The following SGMS2 variants were observed in gnomAD, a reference collection of about 807,000 sequenced individuals.
SGMS2 encodes the protein phosphatidylcholine:ceramide cholinephosphotransferase 2.
Under a neutral mutation model 43.8 loss-of-function variants are expected in SGMS2, and 21 were observed. The ratio of observed to expected loss-of-function variants is 0.48; its 90% CI spans 0.34 to 0.69. SGMS2 has a LOEUF of 0.69. SGMS2 is among the 30% of genes least tolerant of loss of function. SGMS2 has a pLI of 0.01. For synonymous variants in SGMS2, 167 were observed against 160.6 expected (o/e 1.04, Z -0.30); for missense variants, 384 against 443.2 (o/e 0.87, Z 1.20).
intron 1 of SGMS2, among the ~76,000 whole-genome samples, chr4:107,846,826 C>CT (rs1296727730): frequency 2.0e-5 from 3 of 148,404 alleles, no homozygotes; most frequent in Admixed American, 1.3e-4. Context: ...GAGATGGTAT[C>CT]TCATTGTGGT....
chr4:107,867,464 C>CTA (rs1225640402), intron 2 of SGMS2: 1 of 152,158 alleles, frequency 6.6e-6, no homozygotes, highest in African/African-American at 2.4e-5. Context: ...CAGGGCTGTG[C>CTA]TATCCCATTT....
chr4:107,871,078 T>G (rs188974919), intron 2 of SGMS2, among the ~76,000 whole-genome samples: 1 of 152,138 alleles, frequency 6.6e-6, no homozygotes, highest in Admixed American at 6.6e-5. Flanking sequence ...ATTTCACCCT[T>G]TAGAAAACAG....
In SGMS2 at chr4:107,910,426, A is replaced by G. The variant is rs1037419685; in HGVS notation, c.971A>G (p.Asn324Ser). 4.3e-6 allele frequency: 7 copies of G among 1,614,030 alleles called. No homozygotes were observed. The Admixed American group carries it at 6.7e-5, about 15-fold the overall frequency. Reference protein sequence around the residue: ...WFPIFYFFEKNVQGSIPCCFS... With the variant: ...WFPIFYFFEKSVQGSIPCCFS... ...CCCATCTTTTATTTTTTTGAGAAAA[A>G]TGTACAAGGCTCAATTCCTTGCTGC... The change falls in exon 7 of 7, where the codon AAT becomes AGT. Residue 324 changes from asparagine (N) to serine (S), a missense_variant. By Grantham distance (46) the Asn-to-Ser change is conservative (BLOSUM62 1). Transcript: ENST00000690982.
rs1036430898 is a variant in SGMS2 at position 107,910,803 on chromosome 4, A to C, written c.*250A>C. The C allele has an allele frequency of 9.8e-6, 4 of 408,102 alleles. No homozygotes were observed. The Admixed American group carries it at 1.2e-4, about 12-fold the overall frequency. The allele number at this position is 408,102 out of a possible 1,614,324, so 25.3% of individuals were successfully genotyped here. ...CCCCCACCCCGGGACTTTACTAATGAGCTTGTTAAAGAGGTGCCAAAGAAC... is the reference window on the plus strand; with the variant it reads ...CCCCCACCCCGGGACTTTACTAATGCGCTTGTTAAAGAGGTGCCAAAGAAC... On this transcript the variant is annotated 3_prime_UTR_variant, in exon 7 of 7. Transcript: ENST00000690982.
At chr4:107,885,929 T>C (rs148439235) in intron 2 of SGMS2, among the ~76,000 whole-genome samples, 1 of 152,300 alleles carries the variant, frequency 6.6e-6, no homozygotes, top group African/African-American at 2.4e-5. Context: ...CAGAACTTAT[T>C]TGAGGAAAGC....
upstream of SGMS2, chr4:107,824,917 G>C (rs1234761340): frequency 2.0e-5 from 3 of 151,894 alleles, no homozygotes; most frequent in East Asian, 1.9e-4. Context: ...GAGCGGGCGC[G>C]GGGCCGCGGT....
chr4:107,848,123 A>G (rs767050309), intron 1 of SGMS2, among the ~76,000 whole-genome samples: 1 of 152,148 alleles, frequency 6.6e-6, no homozygotes, highest in Non-Finnish European at 1.5e-5. Flanking sequence ...TACTGTCTCC[A>G]TAGTTTTACA....
chr4:107,864,559 T>C (rs568097046), intron 2 of SGMS2: 2 of 152,304 alleles, frequency 1.3e-5, no homozygotes, highest in South Asian at 4.1e-4. Flanking sequence ...TTGTACAACA[T>C]AAGTACATGA....
chr4:107,913,663 A>C lies in SGMS2; in HGVS notation c.*3110A>C, dbSNP rs1407685105. The C allele has an allele frequency of 6.6e-6, 1 of 152,210 alleles. No individual in the cohort carries two copies. The highest frequency in any genetic ancestry group is 2.4e-5 in the African/African-American group (1 of 41,454). The allele number at this position is 152,210 out of a possible 1,614,324, so 9.4% of individuals were successfully genotyped here. A position where few individuals can be genotyped will look rare whatever the true frequency, so the allele number is the denominator to read the frequency against. On this transcript the variant is annotated 3_prime_UTR_variant, in exon 7 of 7. Coordinates refer to ENST00000690982, the MANE Select transcript of SGMS2 (RefSeq NM_001375905.1). The stretch of plus-strand genomic sequence containing the variant: ...TTTCCCAAAGGTAAAATGTGCTCAG[A>C]TTATAGGCACTTGTAATTCTAACCT...
intron 4 of SGMS2, among the ~76,000 whole-genome samples, chr4:107,902,508 C>G (rs889719275): frequency 6.6e-6 from 1 of 152,138 alleles, no homozygotes; most frequent in Admixed American, 6.5e-5. Context: ...GGGGTACAAA[C>G]CTCTCTGGCC....
chr4:107,831,294 G>C (rs11722403), intron 1 of SGMS2, among the ~76,000 whole-genome samples: 15,383 of 152,134 alleles, frequency 0.1, 1,107 homozygotes, highest in African/African-American at 0.19. Context: ...GAACATTTCT[G>C]TGGTCCGTGC....
Position 107,910,789 on chromosome 4 carries a change from G to C in SGMS2, c.*236G>C, listed in dbSNP as rs1049960873. 4.3e-6 allele frequency: 2 copies of C among 469,150 alleles called. No individual in the cohort carries two copies. Among genetic ancestry groups the C allele is most frequent in the Admixed American group, 7.5e-5 (2 of 26,778 alleles). The allele number at this position is 469,150 out of a possible 1,614,324, so 29.1% of individuals were successfully genotyped here. A position where few individuals can be genotyped will look rare whatever the true frequency, so the allele number is the denominator to read the frequency against. ...TCATTGGTGACAAGCCCCCACCCCGGGACTTTACTAATGAGCTTGTTAAAG... is the reference window on the plus strand; with the variant it reads ...TCATTGGTGACAAGCCCCCACCCCGCGACTTTACTAATGAGCTTGTTAAAG... On this transcript the variant is annotated 3_prime_UTR_variant, in exon 7 of 7. Transcript: ENST00000690982.
At chr4:107,862,942 T>G (rs777827640) in intron 2 of SGMS2, among the ~76,000 whole-genome samples, 1 of 152,230 alleles carries the variant, frequency 6.6e-6, no homozygotes, top group African/African-American at 2.4e-5. Context: ...AACATTTGCA[T>G]GTGCCCTGAG....
At chr4:107,902,793 A>G (rs1185423956) in intron 4 of SGMS2, among the ~76,000 whole-genome samples, 1 of 152,160 alleles carries the variant, frequency 6.6e-6, no homozygotes, top group Non-Finnish European at 1.5e-5. Flanking sequence ...ATATCTGTCC[A>G]CTTTAGGCTG....
At chr4:107,831,122 T>A (rs369844346) in intron 1 of SGMS2, among the ~76,000 whole-genome samples, 3 of 152,318 alleles carry the variant, frequency 2.0e-5, no homozygotes, top group African/African-American at 7.2e-5. Context: ...ACAGAGCTGG[T>A]GGGAAGTAGA....
At chr4:107,876,976 C>G (rs1411796534) in intron 2 of SGMS2, among the ~76,000 whole-genome samples, 1 of 152,016 alleles carries the variant, frequency 6.6e-6, no homozygotes, top group African/African-American at 2.4e-5. Flanking sequence ...ATATTAACTC[C>G]AATATAAGTC....
intron 2 of SGMS2, among the ~76,000 whole-genome samples, chr4:107,895,010 T>G (rs1264487493): frequency 6.6e-6 from 1 of 152,206 alleles, no homozygotes; most frequent in African/African-American, 2.4e-5. Flanking sequence ...TGATAGTGTC[T>G]GATGAAGTGT....
chr4:107,863,442 T>C (rs1368077076), intron 2 of SGMS2: 1 of 152,118 alleles, frequency 6.6e-6, no homozygotes, highest in Non-Finnish European at 1.5e-5. Flanking sequence ...GGGGCTGAAT[T>C]GTGAAGGAAT....
At chr4:107,866,237 A>G (rs1188659865) in intron 2 of SGMS2, among the ~76,000 whole-genome samples, 1 of 152,128 alleles carries the variant, frequency 6.6e-6, no homozygotes, top group Non-Finnish European at 1.5e-5. Context: ...TCCACAAATT[A>G]TCTACATCAA....
Sources: gnomAD v4.1 joint callset for allele counts (sites outside exome capture counted in the v4.1 genomes callset) on GRCh38, gnomAD v4.1.1 for gene constraint, MANE v1.5 for transcripts, NCBI Gene and HGNC (gene_info 2026-07-23, HGNC 2026-07-21) for gene names.